LRRC72: variants seen among roughly 807,000 people sequenced by gnomAD.
LRRC72 encodes the protein leucine rich repeat containing 72.
LRRC72 carries 41 observed loss-of-function variants against 35.8 expected under a neutral mutation model. That is an observed-to-expected ratio of 1.15 (90% confidence interval 0.89 to 1.49). The LOEUF is 1.49. Among genes scored for constraint, LRRC72 ranks in the 40% most tolerant of loss-of-function variants. The probability of loss-of-function intolerance (pLI) is 0.00; values close to 1 mark genes in which losing one functional copy is unlikely to be tolerated. For missense variants in LRRC72, 389 were observed against 330.7 expected (o/e 1.18, Z -1.37); for synonymous variants, 118 against 119.2 (o/e 0.99, Z 0.07).
chr7:16,531,278 G>A (rs776645804), intron 1 of LRRC72, among the ~76,000 whole-genome samples: 6 of 151,344 alleles, frequency 4.0e-5, no homozygotes, highest in African/African-American at 9.7e-5. Flanking sequence ...GCCCCAGGTC[G>A]GCTTGTGTAA....
chr7:16,574,177 T>A (rs1372878372), intron 7 of LRRC72, among the ~76,000 whole-genome samples: 2 of 152,142 alleles, frequency 1.3e-5, no homozygotes, highest in Non-Finnish European at 2.9e-5. Flanking sequence ...TGTGGAGAAA[T>A]AGTAATGCTT....
intron 2 of LRRC72, among the ~76,000 whole-genome samples, chr7:16,534,013 T>C (rs1346549861): frequency 3.3e-5 from 5 of 152,218 alleles, no homozygotes; most frequent in Non-Finnish European, 5.9e-5. Flanking sequence ...TGACAGTAGA[T>C]AATTAATCGA....
chr7:16,527,002 T>C lies in LRRC72; in HGVS notation c.50T>C (p.Leu17Pro). The change falls in exon 1 of 9, where the codon CTA becomes CCA. Residue 17 changes from leucine (L) to proline (P), a missense_variant. Leu to Pro is a moderately conservative substitution (Grantham distance 98). Coordinates refer to ENST00000401542, the MANE Select transcript of LRRC72 (RefSeq NM_001195280.2). ...PVPRTLRCWR[L>P]RRASETALQS... ...CCCCGTACCTTGCGATGCTGGCGCCTACGGAGGGCATCCGAAACTGCCCTA... is the reference window on the plus strand; with the variant it reads ...CCCCGTACCTTGCGATGCTGGCGCCCACGGAGGGCATCCGAAACTGCCCTA... 2 of 1,539,824 alleles carry C rather than the reference T, an allele frequency of 1.3e-6. No homozygotes were observed. The highest frequency in any genetic ancestry group is 1.7e-6 in the Non-Finnish European group (2 of 1,146,912).
intron 2 of LRRC72, 60 bp downstream of exon 2, chr7:16,532,628 G>C (rs1235442144): frequency 8.0e-7 from 1 of 1,251,690 alleles, no homozygotes; most frequent in South Asian, 1.3e-5. Flanking sequence ...ATGTTAAAAT[G>C]TTTCACAGAT....
rs151190290 is a variant in LRRC72, at chr7:16,556,512, G to A, written c.235-848G>A. ...GCCTTGCCCTCTAATTGCAGATGGT[G>A]ACTGGTTGAGCTGTTAGCACTGCGC... On this transcript the variant is annotated intron_variant, in intron 3 of 8. Transcript: ENST00000401542. Among the ~76,000 whole-genome samples, 189 of 152,320 alleles carry A rather than the reference G, an allele frequency of 1.2e-3. 3 individuals carry two copies. The East Asian group carries it at 0.031, about 25-fold the overall frequency.
chr7:16,537,724 C>A, intron 3 of LRRC72, 28 bp downstream of exon 3: 1 of 1,218,208 alleles, frequency 8.2e-7, no homozygotes, highest in Non-Finnish European at 1.1e-6. Flanking sequence ...CTTTCAATTA[C>A]TAAAATTAAA....
chr7:16,558,624 A>T (rs1782691936), intron 4 of LRRC72, among the ~76,000 whole-genome samples: 1 of 152,016 alleles, frequency 6.6e-6, no homozygotes, highest in African/African-American at 2.4e-5. Context: ...AAATAAAAAT[A>T]AAAAAAAGGA....
At chr7:16,557,991 C>T (rs1205421734) in intron 4 of LRRC72, among the ~76,000 whole-genome samples, 1 of 141,224 alleles carries the variant, frequency 7.1e-6, no homozygotes, top group Non-Finnish European at 1.5e-5. Flanking sequence ...ATCATGATGT[C>T]ATGCACCGCT....
chr7:16,569,667 C>G (rs1376958531), intron 7 of LRRC72, among the ~76,000 whole-genome samples: 1 of 151,636 alleles, frequency 6.6e-6, no homozygotes, highest in Non-Finnish European at 1.5e-5. Flanking sequence ...AATTATAACC[C>G]AGGATGCACA....
intron 3 of LRRC72, among the ~76,000 whole-genome samples, chr7:16,552,842 A>C (rs1256452253): frequency 1.3e-5 from 2 of 152,208 alleles, no homozygotes; most frequent in African/African-American, 4.8e-5. Flanking sequence ...CCTGAACGTT[A>C]GTAAAGTGCA....
chr7:16,562,456 T>G (rs1345750096), intron 5 of LRRC72, among the ~76,000 whole-genome samples: 1 of 152,234 alleles, frequency 6.6e-6, no homozygotes, highest in South Asian at 2.1e-4. Flanking sequence ...ATTTTCTGTT[T>G]TATTAAACTC....
intron 7 of LRRC72, among the ~76,000 whole-genome samples, chr7:16,571,814 C>T (rs141755936): frequency 6.6e-6 from 1 of 152,200 alleles, no homozygotes; most frequent in African/African-American, 2.4e-5. Context: ...TTTTTCATAC[C>T]CCAGTGGCAC....
At chr7:16,528,009 T>G (rs1158317650) in intron 1 of LRRC72, among the ~76,000 whole-genome samples, 2 of 152,150 alleles carry the variant, frequency 1.3e-5, no homozygotes, top group African/African-American at 4.8e-5. Flanking sequence ...TATTCTCCTT[T>G]TAGGTTAACC....
chr7:16,555,977 A>G, intron 3 of LRRC72, among the ~76,000 whole-genome samples: 1 of 152,160 alleles, frequency 6.6e-6, no homozygotes, highest in East Asian at 1.9e-4. Flanking sequence ...CAGTTATTAG[A>G]ACATAACTGC....
At chr7:16,541,012 A>C (rs560012852) in intron 3 of LRRC72, among the ~76,000 whole-genome samples, 9 of 152,280 alleles carry the variant, frequency 5.9e-5, no homozygotes, top group Middle Eastern at 3.4e-3. Context: ...ATGTCTCAAG[A>C]TCACCAAGTG....
intron 5 of LRRC72, among the ~76,000 whole-genome samples, chr7:16,560,656 AG>A (rs1235391881): frequency 1.3e-5 from 2 of 151,734 alleles, no homozygotes; most frequent in East Asian, 1.9e-4. Flanking sequence ...GCTACCTCTC[AG>A]GGTTGCTTCA....
rs1782182485 is a variant in LRRC72 at position 16,532,411 on chromosome 7, T to C, written c.91-84T>C. 1.0e-5 allele frequency: 9 copies of C among 884,676 alleles called. No individual in the cohort carries two copies. The South Asian group carries it at 1.3e-4, about 13-fold the overall frequency. The allele number at this position is 884,676 out of a possible 1,614,324, so 54.8% of individuals were successfully genotyped here. On this transcript the variant is annotated intron_variant, in intron 1 of 8. Coordinates refer to ENST00000401542, the MANE Select transcript of LRRC72 (RefSeq NM_001195280.2). Reference sequence around the variant, plus strand: ...ATTCACCTTTCTTTTGATCTTCTTGTAGACGTTATTGTTACTGACTGCAAG... The same window carrying C: ...ATTCACCTTTCTTTTGATCTTCTTGCAGACGTTATTGTTACTGACTGCAAG...
At chr7:16,575,076 C>T (rs908295427) in intron 7 of LRRC72, among the ~76,000 whole-genome samples, 11 of 146,316 alleles carry the variant, frequency 7.5e-5, no homozygotes, top group Non-Finnish European at 1.4e-4. Flanking sequence ...GATCGCATCA[C>T]TGCACTTTAG....
Position 16,526,833 on chromosome 7 carries a change from G to A in LRRC72, c.-120G>A. The A allele has an allele frequency of 1.3e-6, 1 of 785,078 alleles. No homozygotes were observed. Among genetic ancestry groups the A allele is most frequent in the Non-Finnish European group, 2.1e-6 (1 of 473,276 alleles). 48.6% of individuals were successfully genotyped at this position (785,078 alleles called of 1,614,324 possible). On this transcript the variant is annotated 5_prime_UTR_variant, in exon 1 of 9. Transcript: ENST00000401542. ...AGTGTGGACTGGCTTTTAGTCAACG[G>A]GAATGCGGTAACTGTTGGTAACAGA...
Sources: gnomAD v4.1 joint callset for allele counts (sites outside exome capture counted in the v4.1 genomes callset) on GRCh38, gnomAD v4.1.1 for gene constraint, MANE v1.5 for transcripts, NCBI Gene and HGNC (gene_info 2026-07-23, HGNC 2026-07-21) for gene names.